The following MAP3K5 variants were observed in gnomAD, a reference collection of about 807,000 sequenced individuals.
MAP3K5 encodes the protein mitogen-activated protein kinase kinase kinase 5, also known as ASK-1.
A neutral mutation model predicts 158.7 loss-of-function variants in MAP3K5; 56 were observed. The observed-to-expected ratio is 0.35, with a 90% CI of 0.28 to 0.44. The LOEUF is 0.44. MAP3K5 is among the 20% of genes least tolerant of loss of function. The pLI is 1.00. For missense variants in MAP3K5, 1,294 were observed against 1,674.8 expected (o/e 0.77, Z 3.97); for synonymous variants, 579 against 601.7 (o/e 0.96, Z 0.55).
intron 28 of MAP3K5, 124 bp from the exon 29 acceptor site, chr6:136,559,000 A>T: frequency 1.6e-6 from 1 of 622,372 alleles, no homozygotes; most frequent in South Asian, 2.0e-5. Flanking sequence ...TCTACTAAAA[A>T]CACAATCTTC....
intron 8 of MAP3K5, among the ~76,000 whole-genome samples, chr6:136,662,727 C>T (rs113518592): frequency 6.6e-6 from 1 of 152,120 alleles, no homozygotes; most frequent in Non-Finnish European, 1.5e-5. Flanking sequence ...GGCTCTTCAT[C>T]CATACAGAAA....
At position 136,580,426 on chromosome 6, in the gene MAP3K5, T is replaced by C. The variant is rs761708606; in HGVS notation, c.3412-20A>G. 2 of 1,499,562 alleles carry C rather than the reference T, an allele frequency of 1.3e-6. No individual in the cohort carries two copies. The highest frequency in any genetic ancestry group is 2.3e-5 in the South Asian group (2 of 87,598). 92.9% of individuals were successfully genotyped at this position (1,499,562 alleles called of 1,614,324 possible). ...ATTGACCTGGAGAGAGAGTGACATT[T>C]AGCCTACTTTAATTTTTAATTGCAA... On this transcript the variant is annotated intron_variant, in intron 24 of 29. Transcript: ENST00000359015.
At chr6:136,593,714 C>CA (rs760563651) in intron 21 of MAP3K5, 13,472 of 241,268 alleles carry the variant, frequency 0.056, 64 homozygotes, top group African/African-American at 0.093. Context: ...GACAGATATG[C>CA]AAAAAAAAAA....
At chr6:136,788,286 G>T (rs1478995700) in intron 1 of MAP3K5, among the ~76,000 whole-genome samples, 1 of 152,184 alleles carries the variant, frequency 6.6e-6, no homozygotes, top group Admixed American at 6.5e-5. Context: ...ATTCAAGATG[G>T]ATTAAGGTTT....
At chr6:136,656,580 T>C (rs1389622890) in intron 9 of MAP3K5, 120 bp from the exon 10 acceptor site, 1 of 627,960 alleles carries the variant, frequency 1.6e-6, no homozygotes, top group African/African-American at 1.8e-5. Flanking sequence ...TGCATTCAGA[T>C]TCACCGTTAT....
chr6:136,769,000 C>T (rs916637119), intron 1 of MAP3K5, among the ~76,000 whole-genome samples: 2 of 151,956 alleles, frequency 1.3e-5, no homozygotes, highest in African/African-American at 4.8e-5. Flanking sequence ...CAATTCCACT[C>T]CTAGATATAT....
At chr6:136,700,490 C>T (rs1165148283) in intron 3 of MAP3K5, among the ~76,000 whole-genome samples, 2 of 152,178 alleles carry the variant, frequency 1.3e-5, no homozygotes, top group Non-Finnish European at 2.9e-5. Context: ...ATTCAGAAAG[C>T]AGAACCAGAC....
chr6:136,596,041 G>A (rs1051537317), intron 21 of MAP3K5, among the ~76,000 whole-genome samples: 1 of 152,106 alleles, frequency 6.6e-6, no homozygotes, highest in Admixed American at 6.5e-5. Context: ...CTGGAGCTCA[G>A]AAGACTGGGC....
intron 1 of MAP3K5, among the ~76,000 whole-genome samples, chr6:136,765,341 T>C (rs1172964761): frequency 6.6e-6 from 1 of 152,152 alleles, no homozygotes; most frequent in Non-Finnish European, 1.5e-5. Context: ...TCTGTTACCC[T>C]GCTTGGTATG....
intron 16 of MAP3K5, 28 bp downstream of exon 16, chr6:136,614,131 A>G (rs765374435): frequency 1.9e-6 from 3 of 1,606,538 alleles, no homozygotes; most frequent in Admixed American, 3.4e-5. Flanking sequence ...AAACATTCAC[A>G]CTTTTTAAAG....
intron 23 of MAP3K5, among the ~76,000 whole-genome samples, chr6:136,585,500 T>TCTTTCTTTCTTTCTTTC (rs1179679076): frequency 6.8e-6 from 1 of 147,588 alleles, no homozygotes; most frequent in Non-Finnish European, 1.5e-5. Context: ...TTTATTTATT[T>TCTTTCTTTCTTTCTTTC]ATTTATTTAT....
At chr6:136,686,564 C>A (rs1000763044) in intron 7 of MAP3K5, among the ~76,000 whole-genome samples, 2 of 152,178 alleles carry the variant, frequency 1.3e-5, no homozygotes, top group African/African-American at 4.8e-5. Flanking sequence ...TGGTAAGCAA[C>A]TTCAGCAAAG....
At position 136,600,911 on chromosome 6, in the gene MAP3K5, T is replaced by TC. The variant is rs573966191; in HGVS notation, c.2878+110dup. 1.1e-5 allele frequency: 12 copies of TC among 1,109,910 alleles called. No individual in the cohort carries two copies. The South Asian group carries it at 1.2e-4, about 11-fold the overall frequency. 68.8% of individuals were successfully genotyped at this position (1,109,910 alleles called of 1,614,324 possible). ...TAGTATCTAGTACCGCACCCTCCTT[T>TC]CCCCCCATGTAAGCCAGGAGCAGAG... On this transcript the variant is annotated intron_variant, in intron 21 of 29. Coordinates refer to ENST00000359015, the MANE Select transcript of MAP3K5 (RefSeq NM_005923.4).
At chr6:136,618,586 G>T (rs1776667000) in intron 15 of MAP3K5, among the ~76,000 whole-genome samples, 1 of 152,230 alleles carries the variant, frequency 6.6e-6, no homozygotes, top group African/African-American at 2.4e-5. Flanking sequence ...CTAAAGGTTA[G>T]TGAATTTGGC....
At chr6:136,721,234 AAAAC>A (rs1380880488) in intron 1 of MAP3K5, among the ~76,000 whole-genome samples, 1 of 152,102 alleles carries the variant, frequency 6.6e-6, no homozygotes, top group African/African-American at 2.4e-5. Context: ...TAAAAAAAAA[AAAAC>A]AGATTCATTA....
chr6:136,592,669 T>A (rs746781681), intron 21 of MAP3K5, 55 bp from the exon 22 acceptor site: 1 of 1,402,614 alleles, frequency 7.1e-7, no homozygotes, highest in Non-Finnish European at 1.0e-6. Context: ...AATGTACACA[T>A]ACTGAAACAC....
intron 25 of MAP3K5, among the ~76,000 whole-genome samples, chr6:136,571,495 C>T (rs72979516): frequency 0.017 from 2,569 of 152,308 alleles, 20 homozygotes; most frequent in Non-Finnish European, 0.028. Context: ...ATTATGGAAT[C>T]ATATACTATT....
chr6:136,619,005 G>C (rs997236272), intron 15 of MAP3K5, among the ~76,000 whole-genome samples: 12 of 152,226 alleles, frequency 7.9e-5, no homozygotes, highest in African/African-American at 2.7e-4. Flanking sequence ...CAACAGAGGA[G>C]AAAGTATACT....
At chr6:136,579,920 C>A in intron 25 of MAP3K5, 1 of 455,980 alleles carries the variant, frequency 2.2e-6, no homozygotes, top group Middle Eastern at 3.3e-4. Context: ...ATGCAACGAG[C>A]TATGCAATAC....
Sources: gnomAD v4.1 joint callset for allele counts (sites outside exome capture counted in the v4.1 genomes callset) on GRCh38, gnomAD v4.1.1 for gene constraint, MANE v1.5 for transcripts, NCBI Gene and HGNC (gene_info 2026-07-23, HGNC 2026-07-21) for gene names.